NHS: variants seen among roughly 807,000 people sequenced by gnomAD.
The protein encoded by NHS is NHS actin remodeling regulator, also known as actin remodeling regulator NHS.
In NHS, 5 loss-of-function variants were observed where a neutral mutation model predicts 72.5. The observed-to-expected ratio is 0.07, with a 90% CI of 0.04 to 0.14. The LOEUF (loss-of-function observed/expected upper bound fraction) is 0.14. Ranked by LOEUF, NHS falls within the 10% of genes least tolerant of loss-of-function variation. NHS has a pLI of 1.00. For synonymous variants in NHS, 464 were observed against 547.7 expected, an observed-to-expected ratio of 0.85 and a Z score of 2.13; for missense variants, 1,072 against 1,355.7, an observed-to-expected ratio of 0.79 and a Z score of 3.29.
At chrX:17,412,672 T>C (rs1187417764) in intron 1 of NHS, among the ~76,000 whole-genome samples, 1 of 112,466 alleles carries the variant, frequency 8.9e-6, no homozygotes, top group East Asian at 2.8e-4. Flanking sequence ...TTTAACTGAA[T>C]GCTTAGTGTG....
chrX:17,585,738 G>GTAGTAATAATAATAA (rs765464766), intron 1 of NHS, among the ~76,000 whole-genome samples: 1 of 101,248 alleles, frequency 9.9e-6, no homozygotes, highest in African/African-American at 3.9e-5. Context: ...AAAAATAATA[G>GTAGTAATAATAATAA]TAATAATAAT....
At chrX:17,390,248 C>T (rs949146503) in intron 1 of NHS, among the ~76,000 whole-genome samples, 18 of 112,347 alleles carry the variant, frequency 1.6e-4, no homozygotes, top group African/African-American at 5.5e-4. Context: ...TAGAATATAA[C>T]ATCAATATTT....
intron 1 of NHS, among the ~76,000 whole-genome samples, chrX:17,470,467 C>T (rs554070214): frequency 8.9e-6 from 1 of 111,872 alleles, no homozygotes; most frequent in South Asian, 3.8e-4. Context: ...GACTCCCCCA[C>T]TTAAGTTCAT....
chrX:17,632,749 T>C (rs1032281952), intron 1 of NHS, among the ~76,000 whole-genome samples: 3 of 112,440 alleles, frequency 2.7e-5, no homozygotes, highest in African/African-American at 9.7e-5. Flanking sequence ...TGTTACTGTA[T>C]ATAAAGTGCA....
intron 1 of NHS, among the ~76,000 whole-genome samples, chrX:17,656,033 G>T (rs1378943377): frequency 8.8e-6 from 1 of 113,202 alleles, no homozygotes; most frequent in Non-Finnish European, 1.9e-5. Flanking sequence ...GCAACAATGC[G>T]CTGGAAAGTC....
chrX:17,677,492 G>C (rs2066089684), intron 1 of NHS, among the ~76,000 whole-genome samples: 1 of 111,018 alleles, frequency 9.0e-6, no homozygotes, highest in South Asian at 3.8e-4. Flanking sequence ...CCCATCCTTT[G>C]ATTAGGGAGC....
At chrX:17,449,252 G>A (rs780587364) in intron 1 of NHS, among the ~76,000 whole-genome samples, 6 of 113,484 alleles carry the variant, frequency 5.3e-5, no homozygotes, top group African/African-American at 1.6e-4. Flanking sequence ...GTCCTACAGA[G>A]CAGAACTAGA....
intron 3 of NHS, among the ~76,000 whole-genome samples, chrX:17,701,780 C>T (rs1569312586): frequency 9.0e-6 from 1 of 110,920 alleles, no homozygotes; most frequent in East Asian, 2.9e-4. Context: ...CAGCTGTGTG[C>T]AGTTGCTGTG....
intron 1 of NHS, among the ~76,000 whole-genome samples, chrX:17,437,499 G>C (rs1261662032): frequency 9.0e-6 from 1 of 111,517 alleles, no homozygotes; most frequent in Non-Finnish European, 1.9e-5. Flanking sequence ...ACAAAGTGCT[G>C]TACCTTCCCT....
intron 1 of NHS, among the ~76,000 whole-genome samples, chrX:17,434,441 ATTT>A (rs1166011488): frequency 4.4e-5 from 4 of 91,898 alleles, no homozygotes; most frequent in Admixed American, 2.4e-4. Context: ...CATTCAAACA[ATTT>A]TTTTTTTTTT....
chrX:17,716,810 C>A (rs919907616), intron 3 of NHS, among the ~76,000 whole-genome samples: 4 of 111,155 alleles, frequency 3.6e-5, no homozygotes, highest in Non-Finnish European at 7.5e-5. Flanking sequence ...TTAAGAATAA[C>A]TAGGCCCAGC....
chrX:17,569,386 T>A (rs112219010), intron 1 of NHS, among the ~76,000 whole-genome samples: 3,715 of 104,609 alleles, frequency 0.036, 282 homozygotes, highest in African/African-American at 0.14. Context: ...GGTATCTCAT[T>A]GTGGTTTTGA....
intron 1 of NHS, among the ~76,000 whole-genome samples, chrX:17,500,147 A>G (rs750527103): frequency 1.8e-5 from 2 of 112,022 alleles, no homozygotes; most frequent in East Asian, 2.8e-4. Flanking sequence ...TTATGTTGAG[A>G]AGCATTCTGA....
At chrX:17,462,557 A>G (rs1043486986) in intron 1 of NHS, among the ~76,000 whole-genome samples, 4 of 112,131 alleles carry the variant, frequency 3.6e-5, no homozygotes, top group African/African-American at 1.3e-4. Flanking sequence ...AGTACTTTAC[A>G]TACGTTATGG....
At chrX:17,513,806 A>G (rs1306538866) in intron 1 of NHS, among the ~76,000 whole-genome samples, 1 of 112,467 alleles carries the variant, frequency 8.9e-6, no homozygotes, top group East Asian at 2.8e-4. Flanking sequence ...GTGATGGTTA[A>G]TATTGAATGT....
At position 17,417,184 on chromosome X, in the gene NHS, G is replaced by A. The variant is rs905816832; in HGVS notation, c.565+40862G>A. 4.6e-5 allele frequency among the ~76,000 whole-genome samples: 5 copies of A among 109,778 alleles called. No individual in the cohort carries two copies. The East Asian group carries it at 1.4e-3, about 32-fold the overall frequency. Reference sequence around the variant, plus strand: ...TTTAAATTGAAGTATTGCATACCAGGGTCAGAAATTTTTTTTCTGTAAAGG... The same window carrying A: ...TTTAAATTGAAGTATTGCATACCAGAGTCAGAAATTTTTTTTCTGTAAAGG... On this transcript the variant is annotated intron_variant, in intron 1 of 8. Transcript: ENST00000676302.
chrX:17,559,295 C>T (rs188072983), intron 1 of NHS, among the ~76,000 whole-genome samples: 3 of 112,006 alleles, frequency 2.7e-5, no homozygotes, highest in Admixed American at 1.9e-4. Flanking sequence ...AGGATACACA[C>T]CATCCCCACT....
chrX:17,701,023 C>T (rs2147121992), intron 3 of NHS, among the ~76,000 whole-genome samples: 1 of 112,190 alleles, frequency 8.9e-6, no homozygotes, highest in African/African-American at 3.2e-5. Context: ...TCTATGTTTA[C>T]CTGTGTTTAG....
At position 17,732,743 on chromosome X, in the gene NHS, A is replaced by G. The variant is rs2066497565; in HGVS notation, c.*279A>G. 6.1e-6 allele frequency: 2 copies of G among 326,643 alleles called. No homozygotes were observed. The highest frequency in any genetic ancestry group is 5.3e-6 in the Non-Finnish European group (1 of 186,960). The allele number at this position is 326,643 out of a possible 1,213,427, so 26.9% of individuals were successfully genotyped here. On this transcript the variant is annotated 3_prime_UTR_variant, in exon 9 of 9. Transcript: ENST00000676302. ...TCCTTGTGAAAATAGAGGATACAAA[A>G]TTGTCTAATTTTCATGACACCTAGA... is the stretch of plus-strand genomic sequence containing the variant.
Sources: gnomAD v4.1 joint callset for allele counts (sites outside exome capture counted in the v4.1 genomes callset) on GRCh38, gnomAD v4.1.1 for gene constraint, MANE v1.5 for transcripts, NCBI Gene and HGNC (gene_info 2026-07-23, HGNC 2026-07-21) for gene names.